Variants in WDFY3 observed in about 807,000 individuals in gnomAD.
WDFY3 encodes WD repeat and FYVE domain-containing protein 3.
Under a neutral mutation model 409.6 loss-of-function variants are expected in WDFY3, and 66 were observed. The observed-to-expected ratio is 0.16, with a 90% CI of 0.13 to 0.20. WDFY3 has a LOEUF of 0.20. WDFY3 is among the 10% of genes least tolerant of loss of function. The pLI, the probability that WDFY3 is intolerant of heterozygous loss-of-function variation, is 1.00. For missense variants in WDFY3, 3,031 were observed against 4,298.1 expected (o/e 0.71, Z 8.24); for synonymous variants, 1,521 against 1,537.1 (o/e 0.99, Z 0.25).
At chr4:84,730,573 G>C (rs759195947) in intron 44 of WDFY3, among the ~76,000 whole-genome samples, 2 of 152,110 alleles carry the variant, frequency 1.3e-5, no homozygotes, top group Non-Finnish European at 2.9e-5. Flanking sequence ...AACTACTCTA[G>C]GTTTCAGTTT....
chr4:84,914,561 T>C (rs1035189942), intron 2 of WDFY3, among the ~76,000 whole-genome samples: 4 of 152,194 alleles, frequency 2.6e-5, no homozygotes, highest in Non-Finnish European at 4.4e-5. Context: ...GTCAACTGTA[T>C]CTTGTCAGTA....
chr4:84,821,799 T>TA (rs902732712), intron 10 of WDFY3, among the ~76,000 whole-genome samples: 10 of 152,232 alleles, frequency 6.6e-5, no homozygotes, highest in Non-Finnish European at 1.5e-4. Context: ...GTTGAAAAGT[T>TA]AGACTGTTTT....
At chr4:84,768,335 T>C (rs1322350667) in intron 30 of WDFY3, among the ~76,000 whole-genome samples, 1 of 152,198 alleles carries the variant, frequency 6.6e-6, no homozygotes, top group East Asian at 1.9e-4. Flanking sequence ...TGGAAGAAGA[T>C]GCCATCTAGG....
intron 35 of WDFY3, among the ~76,000 whole-genome samples, chr4:84,752,499 C>T (rs1436544332): frequency 1.4e-5 from 2 of 148,140 alleles, no homozygotes; most frequent in Non-Finnish European, 3.0e-5. Context: ...CATTGCACTC[C>T]AGCCGGGATG....
At chr4:84,830,109 T>C (rs1437883156) in intron 8 of WDFY3, among the ~76,000 whole-genome samples, 6 of 152,120 alleles carry the variant, frequency 3.9e-5, no homozygotes, top group Non-Finnish European at 7.4e-5. Context: ...AACTGACTCA[T>C]ATATTAGGTA....
rs1335911884 is a variant in WDFY3 at position 84,755,028 on chromosome 4, T to C, written c.5559+238A>G. Reference sequence around the variant, plus strand: ...AACTGAGGCACATAACTGAGGATAATAGATTGGAAGTACCAGAGGTGAGAT... The same window carrying C: ...AACTGAGGCACATAACTGAGGATAACAGATTGGAAGTACCAGAGGTGAGAT... On this transcript the variant is annotated intron_variant, in intron 34 of 67. Coordinates refer to ENST00000295888, the MANE Select transcript of WDFY3 (RefSeq NM_014991.6). Among the ~76,000 whole-genome samples the C allele has an allele frequency of 2.0e-5, 3 of 152,136 alleles. No individual in the cohort carries two copies. The East Asian group carries it at 5.8e-4, about 29-fold the overall frequency.
intron 2 of WDFY3, among the ~76,000 whole-genome samples, chr4:84,900,868 T>C (rs1766251366): frequency 6.6e-6 from 1 of 152,222 alleles, no homozygotes; most frequent in African/African-American, 2.4e-5. Context: ...GAAAACAGCA[T>C]GATAGTTTCT....
rs572945083 is a variant in WDFY3 at position 84,861,073 on chromosome 4, T to C, written c.-31-451A>G. On this transcript the variant is annotated intron_variant, in intron 3 of 67. Transcript: ENST00000295888. ...TAAAAATACAAAAATTAGTCAGGTA[T>C]GGTAGTGTGCGCGTATAGTCCCAAG... Among the ~76,000 whole-genome samples, 85 of 152,040 alleles carry C rather than the reference T, an allele frequency of 5.6e-4. 1 individual carries two copies. The highest frequency in any genetic ancestry group is 1.5e-4 in the Non-Finnish European group (10 of 68,016).
Position 84,672,691 on chromosome 4 carries a change from G to T in WDFY3, c.*177C>A. On this transcript the variant is annotated 3_prime_UTR_variant, in exon 68 of 68. Transcript: ENST00000295888. ...TGTGCTGTTCACCTGAATCGCGTCT[G>T]CCCCATTCCTGTACTCTACACCCGT... 1.2e-6 allele frequency: 1 copy of T among 819,562 alleles called. No homozygotes were observed. The highest frequency in any genetic ancestry group is 1.9e-6 in the Non-Finnish European group (1 of 539,692). 50.8% of individuals were successfully genotyped at this position (819,562 alleles called of 1,614,324 possible).
rs192483696 is a variant in WDFY3, at chr4:84,696,545, T to G, written c.8688+187A>C. On this transcript the variant is annotated intron_variant, in intron 57 of 67. Transcript: ENST00000295888. The stretch of plus-strand genomic sequence containing the variant: ...GGAAAATACATAGTTTATATATATA[T>G]ATAGGGTTTGGTACTATTCCTGGTT... 3.3e-5 allele frequency among the ~76,000 whole-genome samples: 5 copies of G among 152,082 alleles called. No homozygotes were observed. In the South Asian group the frequency reaches 1.0e-3, roughly 31 times the overall value.
chr4:84,847,792 AAAAAAAAAAC>A (rs1318967649), intron 5 of WDFY3, among the ~76,000 whole-genome samples: 7 of 147,590 alleles, frequency 4.7e-5, no homozygotes, highest in East Asian at 2.0e-4. Flanking sequence ...AAAAAAACCA[AAAAAAAAAAC>A]AAAAAAAAAC....
chr4:84,828,927 C>A, intron 9 of WDFY3, 77 bp downstream of exon 9: 1 of 1,409,736 alleles, frequency 7.1e-7, no homozygotes. Context: ...TTCCTATAAC[C>A]CCAAATCACA....
intron 4 of WDFY3, among the ~76,000 whole-genome samples, chr4:84,850,926 CTGTTTTTTTTTTTTTTTTTTTTTTTT>C (rs1758859860): frequency 6.2e-5 from 2 of 32,150 alleles, no homozygotes; most frequent in African/African-American, 2.4e-4. Flanking sequence ...TTTTATTTAT[CTGTTTTTTTTTTTTTTTTTTTTTTTT>C]TTTTTTTTTT....
chr4:84,796,174 C>A (rs977731596), intron 19 of WDFY3, among the ~76,000 whole-genome samples: 2 of 151,356 alleles, frequency 1.3e-5, no homozygotes, highest in African/African-American at 4.9e-5. Flanking sequence ...CTCTGACACT[C>A]TAGCACAAAA....
intron 26 of WDFY3, 52 bp from the exon 27 acceptor site, chr4:84,778,707 T>A (rs1264826426): frequency 1.3e-6 from 2 of 1,562,610 alleles, no homozygotes; most frequent in African/African-American, 2.7e-5. Flanking sequence ...TATATATTCA[T>A]TACACACACA....
At chr4:84,753,230 G>C (rs1241079858) in intron 35 of WDFY3, among the ~76,000 whole-genome samples, 1 of 152,050 alleles carries the variant, frequency 6.6e-6, no homozygotes, top group Non-Finnish European at 1.5e-5. Flanking sequence ...AATGAAAAAA[G>C]AAAAGTCAGG....
chr4:84,714,827 G>A (rs1479610683), intron 50 of WDFY3, among the ~76,000 whole-genome samples: 3 of 151,940 alleles, frequency 2.0e-5, no homozygotes, highest in African/African-American at 7.2e-5. Context: ...GCGGGTGCCT[G>A]CAGTTCCAGC....
At chr4:84,760,385 G>C (rs1578399140) in intron 32 of WDFY3, among the ~76,000 whole-genome samples, 1 of 152,206 alleles carries the variant, frequency 6.6e-6, no homozygotes, top group East Asian at 1.9e-4. Context: ...AATGGTACCA[G>C]CTCCTCCTTG....
At chr4:84,870,565 C>T (rs1484301793) in intron 3 of WDFY3, among the ~76,000 whole-genome samples, 4 of 152,046 alleles carry the variant, frequency 2.6e-5, no homozygotes, top group African/African-American at 9.7e-5. Context: ...CTGGCTCAAG[C>T]AGAGAAGGGG....
Sources: gnomAD v4.1 joint callset for allele counts (sites outside exome capture counted in the v4.1 genomes callset) on GRCh38, gnomAD v4.1.1 for gene constraint, MANE v1.5 for transcripts, NCBI Gene and HGNC (gene_info 2026-07-23, HGNC 2026-07-21) for gene names.